The following BAG6 variants were observed in gnomAD, a reference collection of about 807,000 sequenced individuals.
BAG6 encodes the protein BAG cochaperone 6.
Under a neutral mutation model 121.0 loss-of-function variants are expected in BAG6, and 22 were observed. The ratio of observed to expected loss-of-function variants is 0.18; its 90% confidence interval spans 0.13 to 0.26. The LOEUF (loss-of-function observed/expected upper bound fraction) is 0.26, where lower values mean the gene tolerates loss of function less well. Ranked by LOEUF, BAG6 falls within the 10% of genes least tolerant of loss-of-function variation. The probability of loss-of-function intolerance (pLI) is 1.00; values close to 1 mark genes in which losing one functional copy is unlikely to be tolerated. For missense variants in BAG6, 1,233 were observed against 1,537.7 expected (o/e 0.80, Z 3.31); for synonymous variants, 583 against 584.6 (o/e 1.00, Z 0.04).
At chr6:31,648,279 G>A (rs1214724959) in intron 6 of BAG6, among the ~76,000 whole-genome samples, 1 of 152,124 alleles carries the variant, frequency 6.6e-6, no homozygotes, top group Non-Finnish European at 1.5e-5. Flanking sequence ...GCGACCCAAA[G>A]TGCTGGGATT....
chr6:31,639,064 TCTTAAATA>T lies in BAG6; in HGVS notation c.*59_*66del. ...CAGCCAGAAAAATCCGACTTTTATT[TCTTAAATA>T]CTGTGAAGGAAGAGGGGGGAAACGG... On this transcript the variant is annotated 3_prime_UTR_variant, in exon 26 of 26. Coordinates refer to ENST00000676615, the MANE Select transcript of BAG6 (RefSeq NM_001387994.1). The T allele has an allele frequency of 7.4e-7, 1 of 1,359,492 alleles. No homozygotes were observed. The highest frequency in any genetic ancestry group is 1.0e-6 in the Non-Finnish European group (1 of 982,182). The allele number at this position is 1,359,492 out of a possible 1,614,324, so 84.2% of individuals were successfully genotyped here.
intron 2 of BAG6, among the ~76,000 whole-genome samples, chr6:31,649,983 C>T (rs754494297): frequency 6.6e-5 from 10 of 151,812 alleles, no homozygotes; most frequent in Non-Finnish European, 1.2e-4. Context: ...CGCCTGTAAT[C>T]CCAGCTACTA....
rs1276666841 is a variant in BAG6 at position 31,645,572 on chromosome 6, G to A, written c.951C>T (p.Ile317=). 2 of 1,613,134 alleles carry A rather than the reference G, an allele frequency of 1.2e-6. No individual in the cohort carries two copies. Among genetic ancestry groups the A allele is most frequent in the Admixed American group, 3.3e-5 (2 of 60,028 alleles). The change falls in exon 9 of 26, where the codon ATC becomes ATT. Residue 317 remains isoleucine (I), a synonymous_variant. Coordinates refer to ENST00000676615, the MANE Select transcript of BAG6 (RefSeq NM_001387994.1). ...GTCGCAGGCTCTCCCCTACCAAGTTGATCAACCGCTGATCCTCCTCCCGGC... is the reference window on the plus strand; with the variant it reads ...GTCGCAGGCTCTCCCCTACCAAGTTAATCAACCGCTGATCCTCCTCCCGGC... The part of the protein sequence containing the change: ...HEGREEDQRL[I]NLVGESLRLL...
chr6:31,641,495 T>A lies in BAG6; in HGVS notation c.2559+44A>T. The A allele has an allele frequency of 6.2e-7, 1 of 1,613,970 alleles. No individual in the cohort carries two copies. The highest frequency in any genetic ancestry group is 8.5e-7 in the Non-Finnish European group (1 of 1,179,914). ...CTGGGAGTGGAGGAGGCAGCTGCCT[T>A]GACCAGACCCAGGAGAGGAAAGGAA... On this transcript the variant is annotated intron_variant, in intron 18 of 25. Coordinates refer to ENST00000676615, the MANE Select transcript of BAG6 (RefSeq NM_001387994.1). The surrounding 1 kb of genome is among the most constrained non-coding windows in gnomAD (Gnocchi z 5.7).
At chr6:31,648,804 T>C (rs2150977517) in intron 5 of BAG6, 53 bp from the exon 6 acceptor site, 2 of 1,607,588 alleles carry the variant, frequency 1.2e-6, no homozygotes, top group Non-Finnish European at 1.7e-6. Context: ...CCATGAGTTC[T>C]ACCACCTACT....
chr6:31,639,684 C>T lies in BAG6; in HGVS notation c.3247-38G>A, dbSNP rs368823389. 6.8e-4 allele frequency: 1,074 copies of T among 1,578,104 alleles called. 2 individuals carry two copies. Among genetic ancestry groups the T allele is most frequent in the Non-Finnish European group, 8.4e-4 (979 of 1,159,724 alleles). On this transcript the variant is annotated intron_variant, in intron 24 of 25. Transcript: ENST00000676615. ...GGGTTGGGAGGGAAAAGAGGATCAA[C>T]GTCAGATCCAGTGCCACCATCCGGC...
intron 14 of BAG6, 125 bp from the exon 15 acceptor site, chr6:31,643,240 C>G: frequency 1.1e-6 from 1 of 914,030 alleles, no homozygotes; most frequent in Admixed American, 3.0e-5. Context: ...CATAGCAAGA[C>G]CCCATCTCTA....
rs754172219 is a variant in BAG6 at position 31,644,314 on chromosome 6, C to T, written c.1548G>A (p.Ala516=). 1.0e-5 allele frequency: 16 copies of T among 1,551,918 alleles called. No individual in the cohort carries two copies. The highest frequency in any genetic ancestry group is 1.4e-5 in the African/African-American group (1 of 73,146). ...CCCCTTCCAGGTCATTACCTGCGGC[C>T]GCGGAGGCAACAGCTGCCACCATGG... ...HQAMVAAVAS[A]AAGQQVPGFP... Residue 516 remains alanine, a synonymous_variant, in exon 12 of 26, where the codon GCG becomes GCA. Coordinates refer to ENST00000676615, the MANE Select transcript of BAG6 (RefSeq NM_001387994.1). The surrounding 1 kb of genome is among the most constrained non-coding windows in gnomAD (Gnocchi z 4.9).
At chr6:31,643,353 G>C (rs1387007209) in intron 14 of BAG6, among the ~76,000 whole-genome samples, 2 of 151,772 alleles carry the variant, frequency 1.3e-5, no homozygotes, top group Non-Finnish European at 2.9e-5. Context: ...CAAGGTTACA[G>C]TGAGCTTTAA....
At position 31,639,653 on chromosome 6, in the gene BAG6, G is replaced by T; in HGVS notation, c.3247-7C>A. On this transcript the variant is annotated splice_region_variant and splice_polypyrimidine_tract_variant and intron_variant, in intron 24 of 25. Transcript: ENST00000676615. ...GGCCCTCACCCTGCATCGTCTGGGG[G>T]ACAGGGGGTTGGGAGGGAAAAGAGG... 6.2e-7 allele frequency: 1 copy of T among 1,604,132 alleles called. No individual in the cohort carries two copies.
chr6:31,641,309 C>T lies in BAG6; in HGVS notation c.2662+11G>A. 6.2e-7 allele frequency: 1 copy of T among 1,613,986 alleles called. No individual in the cohort carries two copies. The highest frequency in any genetic ancestry group is 1.1e-5 in the South Asian group (1 of 91,082). On this transcript the variant is annotated intron_variant, in intron 19 of 25. Transcript: ENST00000676615. This position sits in a 1 kb window ranked among gnomAD's most constrained non-coding sequence, Gnocchi z 5.7. ...CAGGCCCCACTTGCCCCCGCCTGGC[C>T]AGCCCCTGACCTGTGCAATGCAGCA...
At position 31,640,545 on chromosome 6, in the gene BAG6, G is replaced by A. The variant is rs369795168; in HGVS notation, c.2995-17C>T. ...ATTCTCCCGCTGGGTGTCAGATGGC[G>A]GGAAGAGCCAGGCTTCAGAATTTTT... On this transcript the variant is annotated splice_polypyrimidine_tract_variant and intron_variant, in intron 22 of 25. Coordinates refer to ENST00000676615, the MANE Select transcript of BAG6 (RefSeq NM_001387994.1). The surrounding 1 kb of genome is among the most constrained non-coding windows in gnomAD (Gnocchi z 4.2). The A allele has an allele frequency of 2.0e-5, 32 of 1,612,736 alleles. No individual in the cohort carries two copies. Among genetic ancestry groups the A allele is most frequent in the African/African-American group, 5.3e-5 (4 of 75,026 alleles).
At position 31,645,467 on chromosome 6, in the gene BAG6, G is replaced by A. The variant is rs376731199; in HGVS notation, c.1056C>T (p.Val352=). Residue 352 remains valine (V), a synonymous_variant, in exon 9 of 26, where the codon GTC becomes GTT. Transcript: ENST00000676615. The part of the protein sequence containing the change: ...ACTPPRHLHV[V]RPMSHYTTPM... ...GGGTGGTGTAGTGAGACATAGGCCG[G>A]ACCACATGCAGGTGTCGTGGGGGCG... is the stretch of plus-strand genomic sequence containing the variant. The A allele has an allele frequency of 6.2e-7, 1 of 1,612,954 alleles. No individual in the cohort carries two copies. Among genetic ancestry groups the A allele is most frequent in the Non-Finnish European group, 8.5e-7 (1 of 1,180,034 alleles).
At position 31,644,096 on chromosome 6, in the gene BAG6, C is replaced by T; in HGVS notation, c.1654G>A (p.Val552Ile). 3 of 1,613,656 alleles carry T rather than the reference C, an allele frequency of 1.9e-6. No individual in the cohort carries two copies. Among genetic ancestry groups the T allele is most frequent in the Middle Eastern group, 3.3e-4 (2 of 6,080 alleles). Residue 552 changes from valine to isoleucine, a missense_variant, in exon 13 of 26, where the codon GTC becomes ATC. Coordinates refer to ENST00000676615, the MANE Select transcript of BAG6 (RefSeq NM_001387994.1). This position sits in a 1 kb window ranked among gnomAD's most constrained non-coding sequence, Gnocchi z 4.9. ...ARPSHPGGPP[V>I]SGTLQGAGLG... is the part of the protein sequence containing the mutation. ...CCCTTGCTCACCAGTGTCCCAGAGA[C>T]TGGGGGCCCTCCAGGATGGGAAGGC...
chr6:31,644,877 C>T lies in BAG6; in HGVS notation c.1369+69G>A. The T allele has an allele frequency of 6.5e-7, 1 of 1,534,298 alleles. No homozygotes were observed. Among genetic ancestry groups the T allele is most frequent in the African/African-American group, 1.4e-5 (1 of 72,746 alleles). On this transcript the variant is annotated intron_variant, in intron 10 of 25. Transcript: ENST00000676615. This position sits in a 1 kb window ranked among gnomAD's most constrained non-coding sequence, Gnocchi z 4.9. The stretch of plus-strand genomic sequence containing the variant: ...GTGCCTCTCCCTTCCCCACCCTGTT[C>T]CCTCACACCTCAGCATGAACCTCCC...
At position 31,642,400 on chromosome 6, in the gene BAG6, T is replaced by C; in HGVS notation, c.2047A>G (p.Thr683Ala). The C allele has an allele frequency of 3.1e-6, 3 of 964,396 alleles. No homozygotes were observed. Among genetic ancestry groups the C allele is most frequent in the Non-Finnish European group, 4.6e-6 (3 of 645,224 alleles). 59.7% of individuals were successfully genotyped at this position (964,396 alleles called of 1,614,324 possible). A position where few individuals can be genotyped will look rare whatever the true frequency, so the allele number is the denominator to read the frequency against. ...GGGGGTGGTGGAGGGGCTGTCTGTG[T>C]TGCCTGGCAAATAAAGAAAGAACAA... ...LQGMTDFLQA[T>A]QTAPPPPPPP... Residue 683 changes from threonine to alanine, a missense_variant, in exon 16 of 26, where the codon ACA becomes GCA. Physicochemically the swap from Thr to Ala is moderately conservative, Grantham distance 58. Transcript: ENST00000676615.
At position 31,644,816 on chromosome 6, in the gene BAG6, C is replaced by T. The variant is rs1202244396; in HGVS notation, c.1369+130G>A. Reference sequence around the variant, plus strand: ...CACCCCCCACATCTGTCTACTTAAGCTTCTGCTCTGGTCCCCAGGCTACCA... The same window carrying T: ...CACCCCCCACATCTGTCTACTTAAGTTTCTGCTCTGGTCCCCAGGCTACCA... On this transcript the variant is annotated intron_variant, in intron 10 of 25. Transcript: ENST00000676615. The surrounding 1 kb of genome is among the most constrained non-coding windows in gnomAD (Gnocchi z 4.9). 5.5e-6 allele frequency: 8 copies of T among 1,447,388 alleles called. No homozygotes were observed. In the Admixed American group the frequency reaches 1.4e-4, roughly 24 times the overall value. The allele number at this position is 1,447,388 out of a possible 1,614,324, so 89.7% of individuals were successfully genotyped here. A position where few individuals can be genotyped will look rare whatever the true frequency, so the allele number is the denominator to read the frequency against.
rs1167176097 is a variant in BAG6 at position 31,644,337 on chromosome 6, T to C, written c.1525A>G (p.Met509Val). ...GCCGCGGAGGCAACAGCTGCCACCA[T>C]GGCCTGATGAGTGATCTGGTGGGCG... ...AVAHQITHQAMVAAVASAAAG... is the reference protein window; with the variant it reads ...AVAHQITHQAVVAAVASAAAG... Residue 509 changes from methionine (M) to valine (V), a missense_variant, in exon 12 of 26, where the codon ATG becomes GTG. Met to Val is a conservative substitution (Grantham distance 21). Coordinates refer to ENST00000676615, the MANE Select transcript of BAG6 (RefSeq NM_001387994.1). This position sits in a 1 kb window ranked among gnomAD's most constrained non-coding sequence, Gnocchi z 4.9. 6 of 1,551,622 alleles carry C rather than the reference T, an allele frequency of 3.9e-6. No homozygotes were observed. The highest frequency in any genetic ancestry group is 5.2e-6 in the Non-Finnish European group (6 of 1,147,148).
At position 31,644,296 on chromosome 6, in the gene BAG6, C is replaced by T. The variant is rs1240271843; in HGVS notation, c.1555+11G>A. On this transcript the variant is annotated intron_variant, in intron 12 of 25. Coordinates refer to ENST00000676615, the MANE Select transcript of BAG6 (RefSeq NM_001387994.1). The surrounding 1 kb of genome is among the most constrained non-coding windows in gnomAD (Gnocchi z 4.9). ...GCCCTACCTCCCAAGCCTCCCCTTC[C>T]AGGTCATTACCTGCGGCCGCGGAGG... 4 of 1,552,964 alleles carry T rather than the reference C, an allele frequency of 2.6e-6. No homozygotes were observed. The highest frequency in any genetic ancestry group is 2.6e-6 in the Non-Finnish European group (3 of 1,147,744).
Sources: allele counts gnomAD v4.1 joint callset (sites outside exome capture counted in the v4.1 genomes callset), GRCh38; gene constraint gnomAD v4.1.1; non-coding constraint Gnocchi (gnomAD v3.1); transcripts MANE v1.5; gene names NCBI Gene and HGNC (gene_info 2026-07-23, HGNC 2026-07-21).